The following INTS9 variants were observed in gnomAD, a reference collection of about 807,000 sequenced individuals.
INTS9 encodes protein related to CPSF subunits of 74 kDa.
In INTS9, 55 loss-of-function variants were observed where a neutral mutation model predicts 79.7. The ratio of observed to expected loss-of-function variants is 0.69; its 90% CI spans 0.56 to 0.86. The LOEUF (loss-of-function observed/expected upper bound fraction) is 0.86, where lower values mean the gene tolerates loss of function less well. Among genes scored for constraint, INTS9 ranks in the 40% least tolerant of loss-of-function variants. The pLI is 0.00. For missense variants in INTS9, 721 were observed against 831.5 expected (o/e 0.87, Z 1.64); for synonymous variants, 319 against 325.2 (o/e 0.98, Z 0.20).
At chr8:28,882,560 GA>G (rs980205548) in intron 1 of INTS9, among the ~76,000 whole-genome samples, 3 of 78,484 alleles carry the variant, frequency 3.8e-5, no homozygotes, top group Non-Finnish European at 8.2e-5. Flanking sequence ...AAAAAAAAAA[GA>G]AAAATGTAGA....
At chr8:28,846,913 T>C (rs1236367301) in intron 3 of INTS9, 104 bp from the exon 4 acceptor site, 4 of 858,176 alleles carry the variant, frequency 4.7e-6, no homozygotes, top group Non-Finnish European at 7.8e-6. Flanking sequence ...AATCATAGAC[T>C]ACTAGAGCTG....
chr8:28,825,723 T>G (rs775742907), intron 6 of INTS9, among the ~76,000 whole-genome samples: 3 of 152,234 alleles, frequency 2.0e-5, no homozygotes, highest in Non-Finnish European at 4.4e-5. Context: ...TATTGAGTAC[T>G]AGCAGCGTTC....
chr8:28,870,699 G>A (rs1470327053), intron 1 of INTS9, among the ~76,000 whole-genome samples: 1 of 152,186 alleles, frequency 6.6e-6, no homozygotes, highest in African/African-American at 2.4e-5. Context: ...AAAGCATAGA[G>A]CAGAAATACT....
intron 6 of INTS9, 138 bp downstream of exon 6, chr8:28,835,154 C>T (rs1434518894): frequency 6.3e-5 from 38 of 607,234 alleles, no homozygotes; most frequent in Non-Finnish European, 1.0e-4. Flanking sequence ...CAAATATAAC[C>T]CTTTCATGTA....
chr8:28,784,095 C>T lies in INTS9; in HGVS notation c.1099-3101G>A, dbSNP rs550669901. The stretch of plus-strand genomic sequence containing the variant: ...AGGAATTCTGAACAGTAATTTGTTA[C>T]CAGTACTAAGGGTGGAACCACCGTT... On this transcript the variant is annotated intron_variant, in intron 11 of 16. Transcript: ENST00000521022. The T allele has an allele frequency of 2.6e-5, 4 of 152,304 alleles. No homozygotes were observed. The South Asian group carries it at 8.3e-4, about 32-fold the overall frequency. 9.4% of individuals were successfully genotyped at this position (152,304 alleles called of 1,614,324 possible).
At chr8:28,777,524 T>C (rs1802959007) in intron 13 of INTS9, among the ~76,000 whole-genome samples, 1 of 150,856 alleles carries the variant, frequency 6.6e-6, no homozygotes, top group African/African-American at 2.4e-5. Context: ...GCTTAGTGAG[T>C]ATGTTTCTAG....
intron 1 of INTS9, among the ~76,000 whole-genome samples, chr8:28,885,862 C>A (rs966890441): frequency 6.6e-6 from 1 of 152,194 alleles, no homozygotes; most frequent in Non-Finnish European, 1.5e-5. Flanking sequence ...AGATATATTT[C>A]TAATTTTCCT....
chr8:28,777,814 A>G lies in INTS9; in HGVS notation c.1395+15T>C, dbSNP rs1802983801. 10 of 1,594,034 alleles carry G rather than the reference A, an allele frequency of 6.3e-6. No individual in the cohort carries two copies. The highest frequency in any genetic ancestry group is 1.4e-5 in the African/African-American group (1 of 73,758). ...GACATGACTACGTGAAGGCACAAGC[A>G]GTGTCCTTCATTACCTGCACTTCTT... On this transcript the variant is annotated intron_variant, in intron 13 of 16. Coordinates refer to ENST00000521022, the MANE Select transcript of INTS9 (RefSeq NM_018250.4).
At chr8:28,835,467 GC>G in intron 5 of INTS9, 89 bp from the exon 6 acceptor site, 1 of 785,486 alleles carries the variant, frequency 1.3e-6, no homozygotes, top group Non-Finnish European at 2.2e-6. Flanking sequence ...GAAATGACTT[GC>G]CCACCTCCCC....
rs556535166 is a variant in INTS9 at position 28,815,739 on chromosome 8, G to C, written c.489-2127C>G. On this transcript the variant is annotated intron_variant, in intron 6 of 16. Coordinates refer to ENST00000521022, the MANE Select transcript of INTS9 (RefSeq NM_018250.4). ...TCAAAAGAACCTAACAAATGTTGAAGACAGATAAGCAAGATGCCACATAAG... is the reference window on the plus strand; with the variant it reads ...TCAAAAGAACCTAACAAATGTTGAACACAGATAAGCAAGATGCCACATAAG... Among the ~76,000 whole-genome samples, 3 of 152,226 alleles carry C rather than the reference G, an allele frequency of 2.0e-5. No homozygotes were observed. In the East Asian group the frequency reaches 5.8e-4, roughly 29 times the overall value.
rs1808330461 is a variant in INTS9, at chr8:28,859,339, T to TA, written c.137+96dup. 5 of 1,347,908 alleles carry TA rather than the reference T, an allele frequency of 3.7e-6. No homozygotes were observed. In the Middle Eastern group the frequency reaches 5.7e-4, roughly 152 times the overall value. 83.5% of individuals were successfully genotyped at this position (1,347,908 alleles called of 1,614,324 possible). ...CATTTTTAAGGAAACAAAGCAAACT[T>TA]ACGACAATATACTAGGTACTAGTAA... On this transcript the variant is annotated intron_variant, in intron 2 of 16. Transcript: ENST00000521022.
At chr8:28,847,964 C>G (rs1807620599) in intron 3 of INTS9, among the ~76,000 whole-genome samples, 1 of 152,200 alleles carries the variant, frequency 6.6e-6, no homozygotes, top group Non-Finnish European at 1.5e-5. Flanking sequence ...CAGGAAAAAA[C>G]TCTCAGGCAA....
intron 6 of INTS9, among the ~76,000 whole-genome samples, chr8:28,834,680 T>G (rs1450311236): frequency 6.6e-6 from 1 of 151,616 alleles, no homozygotes; most frequent in Non-Finnish European, 1.5e-5. Flanking sequence ...ACATCTGTTT[T>G]TTTTTTTTTT....
intron 1 of INTS9, among the ~76,000 whole-genome samples, chr8:28,882,723 C>T (rs1809963483): frequency 6.6e-6 from 1 of 152,202 alleles, no homozygotes; most frequent in South Asian, 2.1e-4. Context: ...GTTAGTTTTA[C>T]AATACCTATT....
chr8:28,876,063 A>AT (rs932019690), intron 1 of INTS9, among the ~76,000 whole-genome samples: 2 of 151,348 alleles, frequency 1.3e-5, no homozygotes, highest in South Asian at 2.1e-4. Context: ...TTCTATGGAG[A>AT]TTTTTTTTTG....
In INTS9 at chr8:28,794,523, G is replaced by A. The variant is rs541394337; in HGVS notation, c.857-536C>T. Among the ~76,000 whole-genome samples the A allele has an allele frequency of 1.2e-3, 185 of 152,220 alleles. 1 individual carries two copies. Among genetic ancestry groups the A allele is most frequent in the African/African-American group, 4.2e-3 (176 of 41,524 alleles). On this transcript the variant is annotated intron_variant, in intron 9 of 16. Coordinates refer to ENST00000521022, the MANE Select transcript of INTS9 (RefSeq NM_018250.4). Reference sequence around the variant, plus strand: ...GTGGACTTGCTATTACTAGAGTATGGTACTAGAGTAGGATACAGTGGAGAA... The same window carrying A: ...GTGGACTTGCTATTACTAGAGTATGATACTAGAGTAGGATACAGTGGAGAA...
At position 28,813,554 on chromosome 8, in the gene INTS9, T is replaced by C; in HGVS notation, c.547A>G (p.Thr183Ala). The part of the protein sequence containing the change: ...VEVSTWRRCY[T>A]MQEVNSALSK... Reference sequence around the variant, plus strand: ...AGGGCAGAGTTCACCTCTTGCATTGTATAGCATCTTCTCCAGGTTGAGACT... The same window carrying C: ...AGGGCAGAGTTCACCTCTTGCATTGCATAGCATCTTCTCCAGGTTGAGACT... Residue 183 changes from threonine (T) to alanine (A), a missense_variant, in exon 7 of 17, where the codon ACA becomes GCA. Thr to Ala is a moderately conservative substitution (Grantham distance 58). Transcript: ENST00000521022. The C allele has an allele frequency of 1.2e-6, 2 of 1,613,776 alleles. No homozygotes were observed. Among genetic ancestry groups the C allele is most frequent in the Non-Finnish European group, 1.7e-6 (2 of 1,179,670 alleles).
At chr8:28,800,759 T>C (rs562848309) in intron 8 of INTS9, among the ~76,000 whole-genome samples, 1 of 152,330 alleles carries the variant, frequency 6.6e-6, no homozygotes, top group South Asian at 2.1e-4. Context: ...TATAGCCTAG[T>C]TAACTCTGTT....
intron 6 of INTS9, among the ~76,000 whole-genome samples, chr8:28,827,812 T>C (rs557973455): frequency 6.6e-6 from 1 of 152,322 alleles, no homozygotes; most frequent in Non-Finnish European, 1.5e-5. Context: ...AAATTTCTTA[T>C]CCATAATTTG....
Sources: gnomAD v4.1 joint callset for allele counts (sites outside exome capture counted in the v4.1 genomes callset) on GRCh38, gnomAD v4.1.1 for gene constraint, MANE v1.5 for transcripts, NCBI Gene and HGNC (gene_info 2026-07-23, HGNC 2026-07-21) for gene names.